The following ZNF331 variants were observed in gnomAD, a reference collection of about 807,000 sequenced individuals.
ZNF331 encodes the protein C2H2-like zinc finger protein rearranged in thyroid adenomas.
A neutral mutation model predicts 7.0 loss-of-function variants in ZNF331; 2 were observed. The observed-to-expected ratio is 0.29, with a 90% CI of 0.12 to 0.90. The LOEUF is 0.90. Among genes scored for constraint, ZNF331 ranks in the 40% least tolerant of loss-of-function variants. The pLI is 0.58. For synonymous variants in ZNF331, 196 were observed against 205.4 expected, an observed-to-expected ratio of 0.95 and a Z score of 0.39; for missense variants, 432 against 587.7, an observed-to-expected ratio of 0.74 and a Z score of 2.74.
chr19:53,518,351 C>T (rs535991046), upstream of ZNF331, among the ~76,000 whole-genome samples: 1 of 152,180 alleles, frequency 6.6e-6, no homozygotes, highest in Non-Finnish European at 1.5e-5. Flanking sequence ...GGCTTCCTTG[C>T]TTCTGAGGCT....
intron 2 of ZNF331, among the ~76,000 whole-genome samples, chr19:53,550,346 C>T (rs2088900072): frequency 2.0e-5 from 3 of 152,080 alleles, no homozygotes; most frequent in Admixed American, 2.0e-4. Flanking sequence ...CCTCTTCTGT[C>T]ATTGTATTAA....
chr19:53,579,873 CAT>C lies in ZNF331; in HGVS notation c.*1923_*1924del, dbSNP rs919647655. The C allele has an allele frequency of 5.0e-6, 1 of 200,988 alleles. No homozygotes were observed. The highest frequency in any genetic ancestry group is 1.0e-5 in the Non-Finnish European group (1 of 97,854). The allele number at this position is 200,988 out of a possible 1,614,324, so 12.5% of individuals were successfully genotyped here. The stretch of plus-strand genomic sequence containing the variant: ...AAGGTACACCTGACAAAGGAACTCT[CAT>C]AGAAAATATAAAGAATCCCTCAAGT... On this transcript the variant is annotated 3_prime_UTR_variant, in exon 6 of 6. Coordinates refer to ENST00000449416, the MANE Select transcript of ZNF331 (RefSeq NM_001079906.2).
rs55920678 is a variant in ZNF331 at position 53,560,254 on chromosome 19, A to G, written c.-74+4346A>G. ...CATCCACACCATATATACACACACC[A>G]TGCACCCACATATATACACACACCA... On this transcript the variant is annotated intron_variant, in intron 3 of 5. Coordinates refer to ENST00000449416, the MANE Select transcript of ZNF331 (RefSeq NM_001079906.2). This position sits in a 1 kb window ranked among gnomAD's most constrained non-coding sequence, Gnocchi z 4.3. 0.044 allele frequency among the ~76,000 whole-genome samples: 6,560 copies of G among 149,548 alleles called. 204 individuals are homozygous for G. Among genetic ancestry groups the G allele is most frequent in the Non-Finnish European group, 0.059 (3,925 of 66,774 alleles).
intron 3 of ZNF331, among the ~76,000 whole-genome samples, chr19:53,563,969 G>C (rs2090024379): frequency 6.8e-6 from 1 of 147,048 alleles, no homozygotes; most frequent in Admixed American, 6.9e-5. Flanking sequence ...GGAGGGAGAG[G>C]TTGCAGTGAC....
the ZNF331 span, among the ~76,000 whole-genome samples, chr19:53,506,226 T>C: frequency 4.7e-5 from 6 of 127,386 alleles, no homozygotes; most frequent in Admixed American, 7.8e-5. Context: ...TCCCAGCTAC[T>C]CGGGAGGCTG....
chr19:53,535,599 A>C (rs1600239220), upstream of ZNF331, among the ~76,000 whole-genome samples: 1 of 152,208 alleles, frequency 6.6e-6, no homozygotes, highest in Admixed American at 6.5e-5. Context: ...GTCTGTGTGC[A>C]TGTGGAGAGA....
rs77571477 is a variant in ZNF331 at position 53,530,775 on chromosome 19, G to T, written c.-205+8091G>T. 3.9e-5 allele frequency among the ~76,000 whole-genome samples: 6 copies of T among 152,348 alleles called. No homozygotes were observed. The East Asian group carries it at 1.2e-3, about 29-fold the overall frequency. On this transcript the variant is annotated intron_variant, in intron 2 of 6. Coordinates refer to the ZNF331 transcript ENST00000253144. The stretch of plus-strand genomic sequence containing the variant: ...TGTGCATGTACATTGGCATCCGCAG[G>T]GGTAACCGGGACCTGATGTGTGAGT...
At chr19:53,575,082 G>A (rs1432002482) in intron 5 of ZNF331, among the ~76,000 whole-genome samples, 5 of 150,990 alleles carry the variant, frequency 3.3e-5, no homozygotes, top group African/African-American at 9.8e-5. Context: ...GACTATAGGT[G>A]TACACCACCA....
chr19:53,558,953 A>ACT lies in ZNF331; in HGVS notation c.-74+3045_-74+3046insCT. On this transcript the variant is annotated intron_variant, in intron 3 of 5. Transcript: ENST00000449416. This position sits in a 1 kb window ranked among gnomAD's most constrained non-coding sequence, Gnocchi z 4.5. The stretch of plus-strand genomic sequence containing the variant: ...ATACACACCATACACACATATACAC[A>ACT]TACCATATACACACCATACACACAT... Among the ~76,000 whole-genome samples, 1 of 146,838 alleles carries ACT rather than the reference A, an allele frequency of 6.8e-6. No homozygotes were observed. Among genetic ancestry groups the ACT allele is most frequent in the African/African-American group, 2.5e-5 (1 of 40,104 alleles).
the ZNF331 span, among the ~76,000 whole-genome samples, chr19:53,505,712 C>T: frequency 1.3e-5 from 2 of 152,262 alleles, no homozygotes; most frequent in African/African-American, 4.8e-5. Flanking sequence ...AGAGGCCGGG[C>T]GTGGTGGCTC....
upstream of ZNF331, chr19:53,538,067 T>G (rs1042232469): frequency 6.6e-6 from 1 of 152,418 alleles, no homozygotes; most frequent in Non-Finnish European, 1.5e-5. Context: ...GCTCTGCTGC[T>G]GTCTGCGCGC....
Position 53,577,892 on chromosome 19 carries a change from C to T in ZNF331, c.1332C>T (p.Cys444=), listed in dbSNP as rs1435408843. Residue 444 remains cysteine (C), a synonymous_variant, in exon 6 of 6, where the codon TGC becomes TGT. Coordinates refer to ENST00000449416, the MANE Select transcript of ZNF331 (RefSeq NM_001079906.2). ...CGAAATCCTACGAATGTAAGGAGTG[C>T]GGGAAGGCATGTAACCACCTAAACC... ...SGAKSYECKE[C]GKACNHLNHL... 9.9e-6 allele frequency: 16 copies of T among 1,612,882 alleles called. No homozygotes were observed. Among genetic ancestry groups the T allele is most frequent in the African/African-American group, 6.7e-5 (5 of 74,614 alleles).
chr19:53,521,770 C>T (rs2147225213), exon 1 of ZNF331: 1 of 152,944 alleles, frequency 6.5e-6, no homozygotes, highest in Non-Finnish European at 1.5e-5. Context: ...AGCGAGTGTG[C>T]GGCTGTGACT....
chr19:53,536,639 C>T (rs368114421), upstream of ZNF331, among the ~76,000 whole-genome samples: 3 of 152,202 alleles, frequency 2.0e-5, no homozygotes, highest in Non-Finnish European at 4.4e-5. Context: ...GTGGCTCACG[C>T]CTGTAATTCC....
chr19:53,517,057 G>C (rs2086919867), upstream of ZNF331, among the ~76,000 whole-genome samples: 1 of 152,114 alleles, frequency 6.6e-6, no homozygotes, highest in African/African-American at 2.4e-5. Flanking sequence ...TAATTCCACA[G>C]GCACACGTGG....
chr19:53,524,716 T>A (rs2087226685), intron 2 of ZNF331, among the ~76,000 whole-genome samples: 1 of 152,160 alleles, frequency 6.6e-6, no homozygotes, highest in South Asian at 2.1e-4. Context: ...CTGTAGGTTG[T>A]CTGTTCCTTC....
At chr19:53,509,756 G>C in the ZNF331 span, among the ~76,000 whole-genome samples, 1 of 152,104 alleles carries the variant, frequency 6.6e-6, no homozygotes, top group Non-Finnish European at 1.5e-5. Context: ...ATGAAACTCT[G>C]GGCTTCTATT....
chr19:53,514,281 CTCTG>C, the ZNF331 span, among the ~76,000 whole-genome samples: 1 of 152,132 alleles, frequency 6.6e-6, no homozygotes, highest in Non-Finnish European at 1.5e-5. Context: ...TCACTATAAC[CTCTG>C]CCTCCCAGGT....
chr19:53,575,714 A>C (rs917973182), intron 5 of ZNF331, among the ~76,000 whole-genome samples: 2 of 145,510 alleles, frequency 1.4e-5, no homozygotes, highest in Non-Finnish European at 3.0e-5. Flanking sequence ...TATGGAGTCT[A>C]GCTCTGTCAC....
Sources: gnomAD v4.1 joint callset for allele counts (sites outside exome capture counted in the v4.1 genomes callset) on GRCh38, gnomAD v4.1.1 for gene constraint, Gnocchi (gnomAD v3.1) non-coding constraint, MANE v1.5 for transcripts, NCBI Gene and HGNC (gene_info 2026-07-23, HGNC 2026-07-21) for gene names.